The following RABGAP1L variants were observed in gnomAD, a reference collection of about 807,000 sequenced individuals.
RABGAP1L encodes the protein rab GTPase-activating protein 1-like.
In RABGAP1L, 63 loss-of-function variants were observed where a neutral mutation model predicts 137.7. That is an observed-to-expected ratio of 0.46 (90% CI 0.37 to 0.56). The LOEUF (loss-of-function observed/expected upper bound fraction) is 0.56. RABGAP1L is among the 20% of genes least tolerant of loss of function. RABGAP1L has a pLI of 0.00. For missense variants in RABGAP1L, 1,095 were observed against 1,244.0 expected, an observed-to-expected ratio of 0.88 and a Z score of 1.80; for synonymous variants, 431 against 433.7, an observed-to-expected ratio of 0.99 and a Z score of 0.08.
intron 1 of RABGAP1L, among the ~76,000 whole-genome samples, chr1:174,184,588 ATAAAT>A (rs139408558): frequency 0.062 from 9,404 of 152,308 alleles, 415 homozygotes; most frequent in Non-Finnish European, 0.096. Flanking sequence ...TTTTAAAAAA[ATAAAT>A]TAAAACAAAA....
intron 12 of RABGAP1L, among the ~76,000 whole-genome samples, chr1:174,377,745 T>C (rs918763889): frequency 7.6e-6 from 1 of 131,128 alleles, no homozygotes; most frequent in African/African-American, 3.3e-5. Flanking sequence ...AAGCGTAGCA[T>C]AGCAACTGCA....
chr1:174,331,947 A>G (rs1355371742), intron 11 of RABGAP1L, among the ~76,000 whole-genome samples: 2 of 149,752 alleles, frequency 1.3e-5, no homozygotes, highest in Non-Finnish European at 1.5e-5. Flanking sequence ...TGTCCTTGCT[A>G]TAGTTTGCTG....
At chr1:174,799,642 A>G (rs1688546065) in intron 18 of RABGAP1L, among the ~76,000 whole-genome samples, 1 of 152,080 alleles carries the variant, frequency 6.6e-6, no homozygotes, top group South Asian at 2.1e-4. Context: ...ATGGCTCGCC[A>G]TTGGCTTCTT....
chr1:174,232,166 C>A (rs779991595), intron 4 of RABGAP1L, among the ~76,000 whole-genome samples: 2 of 152,108 alleles, frequency 1.3e-5, no homozygotes, highest in Non-Finnish European at 2.9e-5. Flanking sequence ...TCCTCTTATG[C>A]TTAATTAGGA....
chr1:174,384,208 A>G (rs969967803), intron 12 of RABGAP1L, among the ~76,000 whole-genome samples: 4 of 152,222 alleles, frequency 2.6e-5, no homozygotes, highest in Admixed American at 6.5e-5. Flanking sequence ...TTTGTATGAA[A>G]TTCTGGAAAA....
chr1:174,160,412 T>C (rs1322963714), intron 1 of RABGAP1L, among the ~76,000 whole-genome samples: 3 of 152,326 alleles, frequency 2.0e-5, no homozygotes, highest in Admixed American at 1.3e-4. Flanking sequence ...GGCCACCGGC[T>C]AGCGGGAGGT....
chr1:174,421,761 T>C (rs1048767348), intron 13 of RABGAP1L, among the ~76,000 whole-genome samples: 2 of 152,182 alleles, frequency 1.3e-5, no homozygotes, highest in Non-Finnish European at 2.9e-5. Flanking sequence ...TGTTGTTGTT[T>C]GTTTGTTTTG....
At chr1:174,321,282 T>G (rs955619043) in intron 11 of RABGAP1L, among the ~76,000 whole-genome samples, 2 of 152,168 alleles carry the variant, frequency 1.3e-5, no homozygotes, top group African/African-American at 4.8e-5. Context: ...TCATTAGCAA[T>G]TTTAATTTCG....
intron 13 of RABGAP1L, among the ~76,000 whole-genome samples, chr1:174,459,234 T>C (rs2149276551): frequency 6.6e-6 from 1 of 152,290 alleles, no homozygotes; most frequent in South Asian, 2.1e-4. Context: ...ATTTGATACA[T>C]TATTTAATAA....
chr1:174,932,858 T>C (rs1384472457), intron 19 of RABGAP1L, among the ~76,000 whole-genome samples: 2 of 152,176 alleles, frequency 1.3e-5, no homozygotes, highest in Admixed American at 6.6e-5. Flanking sequence ...TCTTCAAGCG[T>C]AACTTGCTTT....
At chr1:174,303,460 T>C (rs986493399) in intron 10 of RABGAP1L, among the ~76,000 whole-genome samples, 51 of 152,282 alleles carry the variant, frequency 3.3e-4, no homozygotes, top group South Asian at 2.1e-4. Context: ...TGGCATGCCA[T>C]ATTGAAAAAG....
chr1:174,336,272 G>A (rs553360891), intron 11 of RABGAP1L, among the ~76,000 whole-genome samples: 9 of 152,228 alleles, frequency 5.9e-5, no homozygotes, highest in Non-Finnish European at 8.8e-5. Context: ...CCACAGGCAT[G>A]TGCCACTACC....
At chr1:174,463,175 G>T (rs1055840978) in intron 13 of RABGAP1L, among the ~76,000 whole-genome samples, 5 of 152,052 alleles carry the variant, frequency 3.3e-5, no homozygotes, top group Admixed American at 1.3e-4. Context: ...TATACCCAAA[G>T]GACTATAAAT....
At chr1:174,176,720 A>AT (rs1665891414) in intron 1 of RABGAP1L, among the ~76,000 whole-genome samples, 1 of 127,372 alleles carries the variant, frequency 7.9e-6, no homozygotes. Flanking sequence ...TCAGAAAAAA[A>AT]AAAAAAAAAA....
chr1:174,512,181 A>G (rs370459482), intron 13 of RABGAP1L, among the ~76,000 whole-genome samples: 1 of 152,172 alleles, frequency 6.6e-6, no homozygotes, highest in Non-Finnish European at 1.5e-5. Flanking sequence ...ATTCTTCATT[A>G]TATTTATGCA....
chr1:174,961,479 C>T (rs1260073190), intron 20 of RABGAP1L, among the ~76,000 whole-genome samples: 1 of 152,156 alleles, frequency 6.6e-6, no homozygotes, highest in African/African-American at 2.4e-5. Context: ...CCTTCATCTA[C>T]CTTTGGAGAA....
chr1:174,544,215 G>C (rs563863332), intron 13 of RABGAP1L, among the ~76,000 whole-genome samples: 1 of 152,112 alleles, frequency 6.6e-6, no homozygotes, highest in South Asian at 2.1e-4. Flanking sequence ...CATTCTCCTT[G>C]TCACTTTCAG....
intron 21 of RABGAP1L, among the ~76,000 whole-genome samples, chr1:174,971,927 T>G (rs889078681): frequency 6.6e-6 from 1 of 152,230 alleles, no homozygotes; most frequent in African/African-American, 2.4e-5. Flanking sequence ...GGAAATTAGG[T>G]TCTTTGCAAA....
chr1:174,313,832 C>A (rs1027041585), intron 11 of RABGAP1L, among the ~76,000 whole-genome samples: 2 of 151,960 alleles, frequency 1.3e-5, no homozygotes, highest in African/African-American at 4.8e-5. Flanking sequence ...TTGAACCATC[C>A]CTGCATCCCA....
Sources: allele counts gnomAD v4.1 joint callset (sites outside exome capture counted in the v4.1 genomes callset), GRCh38; gene constraint gnomAD v4.1.1; transcripts MANE v1.5; gene names NCBI Gene and HGNC (gene_info 2026-07-23, HGNC 2026-07-21).